Variants in EPB41L3 observed in about 807,000 individuals in gnomAD.
EPB41L3 encodes erythrocyte membrane protein band 4.1 like 3, also known as band 4.1-like protein 3.
A neutral mutation model predicts 127.1 loss-of-function variants in EPB41L3; 57 were observed. The observed-to-expected ratio is 0.45, with a 90% CI of 0.36 to 0.56. EPB41L3 has a LOEUF of 0.56. Among genes scored for constraint, EPB41L3 ranks in the 20% least tolerant of loss-of-function variants. The pLI is 0.00. For missense variants in EPB41L3, 1,273 were observed against 1,372.2 expected (o/e 0.93, Z 1.14); for synonymous variants, 572 against 549.5 (o/e 1.04, Z -0.57).
intron 5 of EPB41L3, among the ~76,000 whole-genome samples, chr18:5,438,498 A>T (rs1390965126): frequency 6.6e-6 from 1 of 152,198 alleles, no homozygotes; most frequent in Non-Finnish European, 1.5e-5. Flanking sequence ...TCAACACCAC[A>T]ATCATAATTC....
intron 1 of EPB41L3, among the ~76,000 whole-genome samples, chr18:5,513,388 G>A (rs1276362941): frequency 6.6e-6 from 1 of 152,288 alleles, no homozygotes; most frequent in Middle Eastern, 3.4e-3. Context: ...TAGAAAAAAG[G>A]AAAGGGTAGG....
At chr18:5,479,706 A>C (rs189407131) in intron 2 of EPB41L3, 23 of 152,336 alleles carry the variant, frequency 1.5e-4, no homozygotes, top group African/African-American at 5.5e-4. Context: ...AAGCAACAAA[A>C]AACTGAATAG....
chr18:5,425,103 A>T (rs895579169), intron 9 of EPB41L3, among the ~76,000 whole-genome samples: 4 of 152,224 alleles, frequency 2.6e-5, no homozygotes, highest in African/African-American at 9.7e-5. Context: ...GGTACACATC[A>T]GACCACCAGA....
chr18:5,571,420 G>A (rs909619239), intron 3 of EPB41L3, among the ~76,000 whole-genome samples: 2 of 152,122 alleles, frequency 1.3e-5, no homozygotes, highest in Admixed American at 1.3e-4. Flanking sequence ...CCAAATGCAA[G>A]GCTCCTAAGG....
intron 3 of EPB41L3, among the ~76,000 whole-genome samples, chr18:5,456,596 T>C (rs2083112725): frequency 6.6e-6 from 1 of 152,242 alleles, no homozygotes; most frequent in African/African-American, 2.4e-5. Context: ...AGAAAAAACC[T>C]TCTCAATCAT....
rs118041900 is a variant in EPB41L3 at position 5,628,543 on chromosome 18, C to T, written c.-468+379G>A. Among the ~76,000 whole-genome samples the T allele has an allele frequency of 1.1e-3, 160 of 152,338 alleles. No homozygotes were observed. In the East Asian group the frequency reaches 0.022, roughly 21 times the overall value. On this transcript the variant is annotated intron_variant, in intron 1 of 21. Coordinates refer to the EPB41L3 transcript ENST00000545076. ...CCCGCTACTGCGCTACCCGCCAGAG[C>T]CCGGCGTCTTCCCTTTCCTTGTCTT... is the stretch of plus-strand genomic sequence containing the variant.
intron 3 of EPB41L3, among the ~76,000 whole-genome samples, chr18:5,593,344 C>T (rs1273963589): frequency 6.6e-6 from 1 of 152,030 alleles, no homozygotes; most frequent in Non-Finnish European, 1.5e-5. Context: ...AATTTTAAAG[C>T]TGGGCGTCCG....
At chr18:5,582,691 G>C (rs935898069) in intron 3 of EPB41L3, among the ~76,000 whole-genome samples, 2 of 152,202 alleles carry the variant, frequency 1.3e-5, no homozygotes, top group African/African-American at 4.8e-5. Flanking sequence ...GGAAGAAACT[G>C]AGTCCCCTAT....
chr18:5,554,663 A>G (rs1202920583), intron 3 of EPB41L3, among the ~76,000 whole-genome samples: 2 of 152,192 alleles, frequency 1.3e-5, no homozygotes, highest in East Asian at 3.9e-4. Flanking sequence ...CCCAGAGATG[A>G]GAGGGAAGAA....
chr18:5,573,854 T>C (rs2094308911), intron 3 of EPB41L3, among the ~76,000 whole-genome samples: 1 of 151,934 alleles, frequency 6.6e-6, no homozygotes, highest in African/African-American at 2.4e-5. Context: ...AAGAATTACC[T>C]AACTTCAATG....
At chr18:5,563,287 T>C (rs1408295296) in intron 3 of EPB41L3, among the ~76,000 whole-genome samples, 1 of 152,170 alleles carries the variant, frequency 6.6e-6, no homozygotes, top group Non-Finnish European at 1.5e-5. Flanking sequence ...CTGTGGGCAA[T>C]GGATTGTAGT....
chr18:5,495,399 T>TAA lies in EPB41L3; in HGVS notation c.-11-6207_-11-6206dup, dbSNP rs200781678. ...CATTTACAAATCAGTATTGGAAACT[T>TAA]AAAAAAAAAAAAAAAAAAACTAAAT... On this transcript the variant is annotated intron_variant, in intron 1 of 22. Transcript: ENST00000341928. Among the ~76,000 whole-genome samples the TAA allele has an allele frequency of 5.5e-4, 64 of 115,978 alleles. 1 individual carries two copies. Among genetic ancestry groups the TAA allele is most frequent in the Non-Finnish European group, 5.9e-4 (31 of 52,818 alleles). The allele number at this position is 115,978 out of a possible 152,430, so 76.1% of individuals were successfully genotyped here. A position where few individuals can be genotyped will look rare whatever the true frequency, so the allele number is the denominator to read the frequency against.
chr18:5,453,694 A>T (rs1211926326), intron 3 of EPB41L3, among the ~76,000 whole-genome samples: 1 of 152,076 alleles, frequency 6.6e-6, no homozygotes, highest in Non-Finnish European at 1.5e-5. Flanking sequence ...TGGAAGTTAT[A>T]TTTCTTCATG....
chr18:5,407,058 C>A (rs2075515051), intron 15 of EPB41L3, 90 bp from the exon 16 acceptor site: 1 of 1,263,296 alleles, frequency 7.9e-7, no homozygotes, highest in African/African-American at 1.5e-5. Context: ...TAATGTCAAT[C>A]TTATTAGTAG....
At position 5,462,009 on chromosome 18, in the gene EPB41L3, G is replaced by A. The variant is rs563382318; in HGVS notation, c.381+16232C>T. ...GCCTCCTGCCAGGGCCAGAAGGTAA[G>A]AGCAGGGTATTATTACAGCCCCAAA... On this transcript the variant is annotated intron_variant, in intron 3 of 22. Transcript: ENST00000341928. Among the ~76,000 whole-genome samples the A allele has an allele frequency of 1.4e-4, 22 of 152,290 alleles. No individual in the cohort carries two copies. In the South Asian group the frequency reaches 4.3e-3, roughly 30 times the overall value.
intron 1 of EPB41L3, among the ~76,000 whole-genome samples, chr18:5,492,289 C>CCTTTCCAACTA (rs1484939704): frequency 6.8e-6 from 1 of 147,242 alleles, no homozygotes; most frequent in South Asian, 2.2e-4. Context: ...CACTGCACTC[C>CCTTTCCAACTA]AGCCTGGGTG....
chr18:5,411,639 T>C, intron 13 of EPB41L3, among the ~76,000 whole-genome samples: 1 of 132,540 alleles, frequency 7.5e-6, no homozygotes, highest in African/African-American at 3.7e-5. Context: ...TAAAGTTCCC[T>C]TGATCAAATA....
intron 18 of EPB41L3, 116 bp from the exon 19 acceptor site, chr18:5,396,448 G>T: frequency 8.1e-7 from 1 of 1,230,138 alleles, no homozygotes; most frequent in Non-Finnish European, 1.1e-6. Flanking sequence ...AAATGTTTAT[G>T]TAGAGAGTAA....
chr18:5,558,103 G>T (rs1328875668), intron 3 of EPB41L3, among the ~76,000 whole-genome samples: 1 of 152,186 alleles, frequency 6.6e-6, no homozygotes, highest in African/African-American at 2.4e-5. Flanking sequence ...CAGGAAACCT[G>T]CCAATCTCTT....
Sources: gnomAD v4.1 joint callset for allele counts (sites outside exome capture counted in the v4.1 genomes callset) on GRCh38, gnomAD v4.1.1 for gene constraint, MANE v1.5 for transcripts, NCBI Gene and HGNC (gene_info 2026-07-23, HGNC 2026-07-21) for gene names.